The following EPB41 variants were observed in gnomAD, a reference collection of about 807,000 sequenced individuals.
EPB41 encodes erythrocyte membrane protein band 4.1.
In EPB41, 65 loss-of-function variants were observed where a neutral mutation model predicts 108.0. The observed-to-expected ratio is 0.60, with a 90% confidence interval of 0.49 to 0.74. EPB41 has a LOEUF of 0.74. Ranked by LOEUF, EPB41 falls within the 30% of genes least tolerant of loss-of-function variation. The pLI is 0.00. For missense variants in EPB41, 875 were observed against 1,037.0 expected (o/e 0.84, Z 2.15); for synonymous variants, 336 against 358.9 (o/e 0.94, Z 0.72).
At chr1:28,993,564 A>G (rs753578388) in intron 3 of EPB41, 22 bp downstream of exon 3, 12 of 1,608,450 alleles carry the variant, frequency 7.5e-6, no homozygotes, top group African/African-American at 4.0e-5. Flanking sequence ...TTCATTTCCA[A>G]CAATCAGAAC....
At chr1:29,066,121 T>A (rs928333645) in intron 16 of EPB41, among the ~76,000 whole-genome samples, 12 of 152,170 alleles carry the variant, frequency 7.9e-5, no homozygotes, top group African/African-American at 2.9e-4. Context: ...ATTACCTATT[T>A]TAGAAATCCT....
chr1:29,084,623 G>A (rs1210186368), intron 16 of EPB41, among the ~76,000 whole-genome samples: 2 of 152,138 alleles, frequency 1.3e-5, no homozygotes, highest in Non-Finnish European at 2.9e-5. Context: ...AGAAAGATAA[G>A]CTTTGAGGCT....
chr1:28,963,739 T>C (rs1266554556), intron 1 of EPB41, among the ~76,000 whole-genome samples: 2 of 152,210 alleles, frequency 1.3e-5, no homozygotes, highest in Non-Finnish European at 2.9e-5. Context: ...TTTGTGATGC[T>C]TCATTATAAC....
intron 18 of EPB41, among the ~76,000 whole-genome samples, chr1:29,109,940 A>G (rs1041797667): frequency 1.3e-5 from 2 of 152,076 alleles, no homozygotes; most frequent in Non-Finnish European, 2.9e-5. Context: ...AGGCTGAGGG[A>G]GGAGAATTGC....
rs1032476872 is a variant in EPB41, at chr1:29,119,532, C to A, written c.*2720C>A. On this transcript the variant is annotated 3_prime_UTR_variant, in exon 21 of 21. Coordinates refer to ENST00000343067, the MANE Select transcript of EPB41 (RefSeq NM_001376013.1). The stretch of plus-strand genomic sequence containing the variant: ...CAAAGCAAGACCTGTATTTATAAGC[C>A]GAGGGCTCAGGGAGCCTAACTGCGG... 6.6e-6 allele frequency: 1 copy of A among 152,218 alleles called. No individual in the cohort carries two copies. The highest frequency in any genetic ancestry group is 1.5e-5 in the Non-Finnish European group (1 of 68,044). The allele number at this position is 152,218 out of a possible 1,614,324, so 9.4% of individuals were successfully genotyped here.
rs533393175 is a variant in EPB41 at position 28,993,711 on chromosome 1, C to T, written c.681+169C>T. ...TTGCTCTGTCACCCAGGCTGGAGTG[C>T]AGTGGCATGATCTTGGCTCACTGTA... is the stretch of plus-strand genomic sequence containing the variant. On this transcript the variant is annotated intron_variant, in intron 3 of 20. Coordinates refer to ENST00000343067, the MANE Select transcript of EPB41 (RefSeq NM_001376013.1). 2.5e-4 allele frequency among the ~76,000 whole-genome samples: 35 copies of T among 140,548 alleles called. 1 individual carries two copies. The South Asian group carries it at 7.4e-3, about 30-fold the overall frequency. The allele number at this position is 140,548 out of a possible 152,430, so 92.2% of individuals were successfully genotyped here.
At chr1:29,045,587 T>C (rs1485254176) in intron 11 of EPB41, among the ~76,000 whole-genome samples, 2 of 144,670 alleles carry the variant, frequency 1.4e-5, no homozygotes, top group African/African-American at 2.6e-5. Flanking sequence ...ATTCCCAGGC[T>C]CAGGCAATCC....
intron 4 of EPB41, among the ~76,000 whole-genome samples, chr1:29,001,127 C>T (rs541148319): frequency 4.6e-5 from 7 of 152,198 alleles, no homozygotes; most frequent in African/African-American, 7.2e-5. Context: ...CACCTGAGTT[C>T]GTAACCAGCC....
At chr1:29,095,783 AAG>A (rs1662989811) in intron 16 of EPB41, among the ~76,000 whole-genome samples, 1 of 152,126 alleles carries the variant, frequency 6.6e-6, no homozygotes, top group Admixed American at 6.5e-5. Flanking sequence ...AAAAAAAAAA[AAG>A]AATATATTTT....
intron 1 of EPB41, among the ~76,000 whole-genome samples, chr1:28,890,151 C>G (rs1360646310): frequency 1.3e-5 from 2 of 152,052 alleles, no homozygotes; most frequent in African/African-American, 4.8e-5. Flanking sequence ...GATTCTCTTG[C>G]CTTAGCCTCC....
intron 2 of EPB41, among the ~76,000 whole-genome samples, chr1:28,989,978 C>T (rs1047263451): frequency 3.3e-5 from 5 of 151,964 alleles, no homozygotes; most frequent in African/African-American, 4.8e-5. Flanking sequence ...CATTATCGGC[C>T]GGGCGCAGTG....
At chr1:28,984,858 T>C (rs2095838869) in intron 1 of EPB41, among the ~76,000 whole-genome samples, 1 of 152,174 alleles carries the variant, frequency 6.6e-6, no homozygotes, top group Non-Finnish European at 1.5e-5. Flanking sequence ...GATGTTTTGC[T>C]ATGTTGCCCA....
At chr1:29,021,228 A>T (rs554695795) in intron 7 of EPB41, among the ~76,000 whole-genome samples, 1 of 152,296 alleles carries the variant, frequency 6.6e-6, no homozygotes, top group African/African-American at 2.4e-5. Context: ...GGGTCCATGA[A>T]GTCAAAATTA....
intron 11 of EPB41, among the ~76,000 whole-genome samples, chr1:29,047,360 C>T (rs1643567745): frequency 6.6e-6 from 1 of 150,652 alleles, no homozygotes; most frequent in African/African-American, 2.4e-5. Flanking sequence ...AATGATCCTC[C>T]CACCTCAGCG....
intron 16 of EPB41, chr1:29,070,463 C>A (rs1200065033): frequency 2.4e-6 from 3 of 1,232,052 alleles, no homozygotes; most frequent in Non-Finnish European, 3.0e-6. Context: ...TGAAGAAATT[C>A]TTCCCAAGGT....
At chr1:29,060,953 G>A (rs1231003763) in intron 15 of EPB41, among the ~76,000 whole-genome samples, 12 of 152,102 alleles carry the variant, frequency 7.9e-5, no homozygotes, top group Non-Finnish European at 1.6e-4. Context: ...GGGGAGGGGC[G>A]GGAAGTAAGA....
intron 19 of EPB41, among the ~76,000 whole-genome samples, chr1:29,113,592 G>C (rs1351581308): frequency 1.3e-5 from 2 of 152,230 alleles, no homozygotes; most frequent in East Asian, 3.8e-4. Context: ...AAGCAATGCG[G>C]TGAAAGGTGT....
chr1:28,934,666 T>TTGTGTGTGTGTGTGTGTGTGTGTG (rs1204147204), intron 1 of EPB41, among the ~76,000 whole-genome samples: 22 of 136,400 alleles, frequency 1.6e-4, no homozygotes, highest in African/African-American at 2.9e-4. Flanking sequence ...TCTTTTGACA[T>TTGTGTGTGTGTGTGTGTGTGTGTG]TGTGTGTGTG....
intron 16 of EPB41, among the ~76,000 whole-genome samples, chr1:29,079,975 G>A (rs893841135): frequency 2.6e-5 from 4 of 151,814 alleles, no homozygotes; most frequent in African/African-American, 4.8e-5. Flanking sequence ...CAGCCTGGGC[G>A]ACAAGAGCAA....
Sources: allele counts gnomAD v4.1 joint callset (sites outside exome capture counted in the v4.1 genomes callset), GRCh38; gene constraint gnomAD v4.1.1; transcripts MANE v1.5; gene names NCBI Gene and HGNC (gene_info 2026-07-23, HGNC 2026-07-21).